Variants in DPYD observed in about 807,000 individuals in gnomAD.
The protein encoded by DPYD is dihydropyrimidine dehydrogenase [NADP(+)].
Under a neutral mutation model 116.2 loss-of-function variants are expected in DPYD, and 109 were observed. That is an observed-to-expected ratio of 0.94 (90% CI 0.80 to 1.10). The LOEUF (loss-of-function observed/expected upper bound fraction) is 1.10, where lower values mean the gene tolerates loss of function less well. Among genes scored for constraint, DPYD ranks in the 50% least tolerant of loss-of-function variants. DPYD has a pLI of 0.00. For synonymous variants in DPYD, 440 were observed against 432.0 expected, an observed-to-expected ratio of 1.02 and a Z score of -0.23; for missense variants, 1,302 against 1,254.5, an observed-to-expected ratio of 1.04 and a Z score of -0.57.
At chr1:97,703,002 A>G (rs1661694365) in intron 5 of DPYD, among the ~76,000 whole-genome samples, 1 of 151,982 alleles carries the variant, frequency 6.6e-6, no homozygotes, top group Non-Finnish European at 1.5e-5. Context: ...ACATACTAGA[A>G]TGTAAATTGT....
rs553485506 is a variant in DPYD, at chr1:97,361,250, C to A, written c.2058+12311G>T. Among the ~76,000 whole-genome samples, 8 of 152,166 alleles carry A rather than the reference C, an allele frequency of 5.3e-5. No individual in the cohort carries two copies. The East Asian group carries it at 1.5e-3, about 29-fold the overall frequency. ...ACACATACACCCTCTCAAGACTAAA[C>A]CAGGAAGAAGATGAATCTCTGAATA... On this transcript the variant is annotated intron_variant, in intron 16 of 22. Transcript: ENST00000370192.
intron 14 of DPYD, among the ~76,000 whole-genome samples, chr1:97,440,694 C>A (rs530614341): frequency 1.3e-5 from 2 of 152,128 alleles, no homozygotes; most frequent in Non-Finnish European, 2.9e-5. Flanking sequence ...TATGCTATAA[C>A]CCCCATATTA....
intron 20 of DPYD, among the ~76,000 whole-genome samples, chr1:97,185,137 T>C: frequency 6.6e-6 from 1 of 151,984 alleles, no homozygotes; most frequent in Admixed American, 6.6e-5. Context: ...GATTAAGAAC[T>C]CCAAGAAATC....
intron 20 of DPYD, among the ~76,000 whole-genome samples, chr1:97,134,817 T>A (rs1222798025): frequency 6.6e-6 from 1 of 151,940 alleles, no homozygotes; most frequent in Non-Finnish European, 1.5e-5. Context: ...AATGATGAAG[T>A]AAGTTAACGT....
At chr1:97,327,692 C>T (rs1668776251) in intron 16 of DPYD, among the ~76,000 whole-genome samples, 2 of 151,816 alleles carry the variant, frequency 1.3e-5, no homozygotes, top group African/African-American at 4.8e-5. Flanking sequence ...TTTAAAAATA[C>T]TATTTTAACA....
At chr1:97,166,212 A>C (rs1361124948) in intron 20 of DPYD, among the ~76,000 whole-genome samples, 1 of 152,236 alleles carries the variant, frequency 6.6e-6, no homozygotes, top group Non-Finnish European at 1.5e-5. Context: ...AGATTAGATA[A>C]AGAAAATATG....
intron 1 of DPYD, among the ~76,000 whole-genome samples, chr1:97,911,209 T>C (rs1047651413): frequency 1.3e-5 from 2 of 152,114 alleles, no homozygotes; most frequent in Non-Finnish European, 2.9e-5. Context: ...TAGTCATACC[T>C]ACCATTGATG....
At chr1:97,462,264 A>G (rs1398362059) in intron 13 of DPYD, among the ~76,000 whole-genome samples, 1 of 152,224 alleles carries the variant, frequency 6.6e-6, no homozygotes, top group Non-Finnish European at 1.5e-5. Flanking sequence ...AAGCAAATGG[A>G]TTTGTTAGTT....
chr1:97,581,745 C>CAAAAAA (rs1226325704), intron 10 of DPYD, among the ~76,000 whole-genome samples: 12 of 63,504 alleles, frequency 1.9e-4, no homozygotes, highest in African/African-American at 4.6e-4. Flanking sequence ...GATCCTGTCT[C>CAAAAAA]AAAAAAAAAA....
At chr1:97,122,296 CT>C (rs1389045348) in intron 20 of DPYD, among the ~76,000 whole-genome samples, 4 of 152,128 alleles carry the variant, frequency 2.6e-5, no homozygotes, top group Admixed American at 2.0e-4. Flanking sequence ...AGGAGACAGA[CT>C]TCATTCAGAA....
intron 4 of DPYD, among the ~76,000 whole-genome samples, chr1:97,732,602 C>A (rs1164978155): frequency 6.6e-6 from 1 of 152,010 alleles, no homozygotes; most frequent in Non-Finnish European, 1.5e-5. Flanking sequence ...ATCCTTTTCA[C>A]ACCATACATT....
At chr1:97,635,505 T>C (rs2100804190) in intron 8 of DPYD, among the ~76,000 whole-genome samples, 1 of 152,292 alleles carries the variant, frequency 6.6e-6, no homozygotes, top group Admixed American at 6.5e-5. Flanking sequence ...AGACCACCAG[T>C]GTGGTTCTTG....
At chr1:97,892,045 T>A (rs959027140) in intron 1 of DPYD, among the ~76,000 whole-genome samples, 1 of 151,814 alleles carries the variant, frequency 6.6e-6, no homozygotes, top group Non-Finnish European at 1.5e-5. Context: ...TATTCTGAGT[T>A]CTCTATAAGT....
At chr1:97,683,866 G>A (rs886284376) in intron 7 of DPYD, among the ~76,000 whole-genome samples, 1 of 151,568 alleles carries the variant, frequency 6.6e-6, no homozygotes, top group Admixed American at 6.6e-5. Flanking sequence ...TCTACACGGG[G>A]GAAAAAAACC....
At chr1:97,560,905 A>C (rs139939880) in intron 11 of DPYD, among the ~76,000 whole-genome samples, 1,561 of 152,272 alleles carry the variant, frequency 0.01, 16 homozygotes, top group Non-Finnish European at 0.017. Flanking sequence ...TTAGAGGCAG[A>C]TTATTCCAAG....
chr1:97,893,364 T>C (rs1571543005), intron 1 of DPYD, among the ~76,000 whole-genome samples: 1 of 148,104 alleles, frequency 6.8e-6, no homozygotes, highest in East Asian at 2.0e-4. Context: ...CAATATGCTT[T>C]TTGCAAATTA....
chr1:97,299,525 A>T (rs2101016693), intron 18 of DPYD, among the ~76,000 whole-genome samples: 1 of 152,248 alleles, frequency 6.6e-6, no homozygotes, highest in African/African-American at 2.4e-5. Context: ...TCTGCAGGAC[A>T]ATAGTTATCT....
At chr1:97,260,972 T>A (rs1332704942) in intron 18 of DPYD, among the ~76,000 whole-genome samples, 3 of 152,052 alleles carry the variant, frequency 2.0e-5, no homozygotes, top group African/African-American at 7.2e-5. Flanking sequence ...TTCAGAAATG[T>A]TTTCAAAGAA....
chr1:97,249,405 G>C (rs1557971641), intron 18 of DPYD, among the ~76,000 whole-genome samples: 1 of 151,790 alleles, frequency 6.6e-6, no homozygotes, highest in Non-Finnish European at 1.5e-5. Flanking sequence ...GAAAAGAAAA[G>C]AAAGGAAAAA....
Sources: gnomAD v4.1 joint callset for allele counts (sites outside exome capture counted in the v4.1 genomes callset) on GRCh38, gnomAD v4.1.1 for gene constraint, MANE v1.5 for transcripts, NCBI Gene and HGNC (gene_info 2026-07-23, HGNC 2026-07-21) for gene names.